RORA: variants seen among roughly 807,000 people sequenced by gnomAD.
RORA encodes the protein RAR related orphan receptor A.
A neutral mutation model predicts 69.5 loss-of-function variants in RORA; 7 were observed. The observed-to-expected ratio is 0.10, with a 90% CI of 0.06 to 0.19. The LOEUF (loss-of-function observed/expected upper bound fraction) is 0.19. RORA is among the 10% of genes least tolerant of loss of function. The probability of loss-of-function intolerance (pLI) is 1.00; values close to 1 mark genes in which losing one functional copy is unlikely to be tolerated. For synonymous variants in RORA, 261 were observed against 240.8 expected, an observed-to-expected ratio of 1.08 and a Z score of -0.78; for missense variants, 457 against 663.0, an observed-to-expected ratio of 0.69 and a Z score of 3.41.
chr15:60,747,864 G>GA (rs1332136394), intron 1 of RORA, among the ~76,000 whole-genome samples: 1 of 151,840 alleles, frequency 6.6e-6, no homozygotes, highest in Non-Finnish European at 1.5e-5. Context: ...AACTCAGAAA[G>GA]AAAAAAAATA....
chr15:60,533,719 G>A lies in RORA; in HGVS notation c.197-1868C>T, dbSNP rs775610652. 1.9e-4 allele frequency among the ~76,000 whole-genome samples: 29 copies of A among 152,182 alleles called. 1 individual carries two copies. The highest frequency in any genetic ancestry group is 3.7e-4 in the Non-Finnish European group (25 of 68,042). ...CTACATGAATTGAGTAGGCTAGAAT[G>A]AGAACCAGCCTCCTTACCCTGATTC... On this transcript the variant is annotated intron_variant, in intron 2 of 10. Coordinates refer to ENST00000335670, the MANE Select transcript of RORA (RefSeq NM_134261.3).
intron 1 of RORA, among the ~76,000 whole-genome samples, chr15:61,085,706 T>C (rs1247253010): frequency 6.6e-6 from 1 of 152,186 alleles, no homozygotes; most frequent in Admixed American, 6.5e-5. Context: ...GCCCTGGTCA[T>C]GTGAAAAATT....
intron 1 of RORA, among the ~76,000 whole-genome samples, chr15:60,828,108 A>T (rs1206924245): frequency 6.6e-6 from 1 of 152,170 alleles, no homozygotes; most frequent in African/African-American, 2.4e-5. Flanking sequence ...CACCTGGAAA[A>T]GGTATAAGGC....
At chr15:60,581,447 T>TA (rs2068192262) in intron 2 of RORA, among the ~76,000 whole-genome samples, 1 of 152,240 alleles carries the variant, frequency 6.6e-6, no homozygotes, top group Non-Finnish European at 1.5e-5. Context: ...TGCTTGATGT[T>TA]ACGGATGCAA....
chr15:60,514,303 C>T lies in RORA; in HGVS notation c.424+313G>A, dbSNP rs1043524326. 4.6e-5 allele frequency among the ~76,000 whole-genome samples: 7 copies of T among 152,122 alleles called. No individual in the cohort carries two copies. The East Asian group carries it at 1.3e-3, about 29-fold the overall frequency. On this transcript the variant is annotated intron_variant, in intron 4 of 10. Transcript: ENST00000335670. ...CATCTTTATTAAGGCCTTCAGATGA[C>T]ACTTACCGTCAGTCAATCGACCCAC... is the stretch of plus-strand genomic sequence containing the variant.
intron 5 of RORA, among the ~76,000 whole-genome samples, chr15:60,505,883 C>T (rs963306529): frequency 6.6e-6 from 1 of 152,158 alleles, no homozygotes; most frequent in South Asian, 2.1e-4. Flanking sequence ...TGCCCTTGTT[C>T]TGTGCCTTTA....
chr15:61,148,369 G>A (rs934810146), intron 1 of RORA, among the ~76,000 whole-genome samples: 3 of 152,126 alleles, frequency 2.0e-5, no homozygotes, highest in African/African-American at 7.2e-5. Context: ...TCAGAAGATG[G>A]TGCCGGAATT....
In RORA at chr15:61,147,779, G is replaced by GTGTGTGTGTGTGTGTC. The variant is rs1381795873; in HGVS notation, c.166+81273_166+81274insGACACACACACACACA. ...CGTGCGCACACGCGTGTGTGTGTGTGTGTGTGTGTGTGTGTGAAATCTTTA... is the reference window on the plus strand; with the variant it reads ...CGTGCGCACACGCGTGTGTGTGTGTGTGTGTGTGTGTGTGTCTGTGTGTGTGTGTGTGAAATCTTTA... On this transcript the variant is annotated intron_variant, in intron 1 of 10. Transcript: ENST00000335670. The surrounding 1 kb of genome is among the most constrained non-coding windows in gnomAD (Gnocchi z 4.1). 2.6e-5 allele frequency among the ~76,000 whole-genome samples: 4 copies of GTGTGTGTGTGTGTGTC among 152,032 alleles called. No individual in the cohort carries two copies. The East Asian group carries it at 7.8e-4, about 29-fold the overall frequency.
At chr15:60,886,956 C>T (rs1190226808) in intron 1 of RORA, among the ~76,000 whole-genome samples, 1 of 152,168 alleles carries the variant, frequency 6.6e-6, no homozygotes. Context: ...ACCCAACAGC[C>T]CACTAGAACA....
intron 1 of RORA, among the ~76,000 whole-genome samples, chr15:61,109,418 G>A (rs945666526): frequency 2.0e-5 from 3 of 152,102 alleles, no homozygotes; most frequent in African/African-American, 7.2e-5. Context: ...ATTTATCCTG[G>A]TACTGGCAAA....
chr15:60,515,936 TATTTATATA>T (rs2065861882), intron 3 of RORA, among the ~76,000 whole-genome samples: 1 of 17,586 alleles, frequency 5.7e-5, no homozygotes, highest in African/African-American at 3.0e-4. Context: ...TTTATATATA[TATTTATATA>T]TATTTATATA....
At chr15:60,738,145 C>G (rs756367711) in intron 1 of RORA, among the ~76,000 whole-genome samples, 1 of 152,144 alleles carries the variant, frequency 6.6e-6, no homozygotes, top group African/African-American at 2.4e-5. Flanking sequence ...AGGGATAAGC[C>G]GAGACCGTAG....
intron 1 of RORA, among the ~76,000 whole-genome samples, chr15:60,694,799 G>A (rs2070878816): frequency 6.6e-6 from 1 of 152,130 alleles, no homozygotes; most frequent in Non-Finnish European, 1.5e-5. Context: ...CATATGCAGC[G>A]AGGTCACTTT....
chr15:60,599,541 ACT>A (rs1052386712), intron 2 of RORA, among the ~76,000 whole-genome samples: 1 of 151,706 alleles, frequency 6.6e-6, no homozygotes, highest in East Asian at 1.9e-4. Flanking sequence ...ACAGAGCAAG[ACT>A]CTGTCTTAAA....
intron 2 of RORA, among the ~76,000 whole-genome samples, chr15:60,574,759 A>G (rs370020682): frequency 6.6e-6 from 1 of 152,332 alleles, no homozygotes; most frequent in African/African-American, 2.4e-5. Flanking sequence ...TTGATAGATG[A>G]TAAAACTGAG....
chr15:61,053,863 A>ATATATATATATATATATATATAT (rs1555406156), intron 1 of RORA, among the ~76,000 whole-genome samples: 49 of 137,056 alleles, frequency 3.6e-4, no homozygotes, highest in East Asian at 8.9e-4. Context: ...ATATATATAT[A>ATATATATATATATATATATATAT]AACATTCTTC....
intron 1 of RORA, among the ~76,000 whole-genome samples, chr15:60,880,439 G>A (rs186179514): frequency 2.0e-5 from 3 of 152,322 alleles, no homozygotes; most frequent in Non-Finnish European, 4.4e-5. Context: ...AGGAGATCGA[G>A]ACCGTCCGGG....
chr15:60,534,553 G>T lies in RORA; in HGVS notation c.197-2702C>A, dbSNP rs1013877926. Among the ~76,000 whole-genome samples the T allele has an allele frequency of 2.6e-5, 4 of 152,052 alleles. No individual in the cohort carries two copies. Among genetic ancestry groups the T allele is most frequent in the African/African-American group, 9.7e-5 (4 of 41,412 alleles). On this transcript the variant is annotated intron_variant, in intron 2 of 10. Coordinates refer to ENST00000335670, the MANE Select transcript of RORA (RefSeq NM_134261.3). This position sits in a 1 kb window ranked among gnomAD's most constrained non-coding sequence, Gnocchi z 5.0. Reference sequence around the variant, plus strand: ...CTGTGCTTAGTTCCAGTGGGCTAAAGAATCAGATTTAATTGAAACAGGCTT... The same window carrying T: ...CTGTGCTTAGTTCCAGTGGGCTAAATAATCAGATTTAATTGAAACAGGCTT...
intron 1 of RORA, among the ~76,000 whole-genome samples, chr15:60,792,172 T>C (rs1426549614): frequency 6.6e-6 from 1 of 152,140 alleles, no homozygotes; most frequent in Non-Finnish European, 1.5e-5. Flanking sequence ...AAAATACTAC[T>C]GTATGGGCTT....
Sources: gnomAD v4.1 joint callset for allele counts (sites outside exome capture counted in the v4.1 genomes callset) on GRCh38, gnomAD v4.1.1 for gene constraint, Gnocchi (gnomAD v3.1) non-coding constraint, MANE v1.5 for transcripts, NCBI Gene and HGNC (gene_info 2026-07-23, HGNC 2026-07-21) for gene names.